Variants in MPP7 observed in about 807,000 individuals in gnomAD.
MPP7 encodes MAGUK p55 subfamily member 7.
In MPP7, 60 loss-of-function variants were observed where a neutral mutation model predicts 76.5. That is an observed-to-expected ratio of 0.78 (90% CI 0.64 to 0.97). The LOEUF (loss-of-function observed/expected upper bound fraction) is 0.97. Ranked by LOEUF, MPP7 falls within the 50% of genes least tolerant of loss-of-function variation. The probability of loss-of-function intolerance (pLI) is 0.00; values close to 1 mark genes in which losing one functional copy is unlikely to be tolerated. For synonymous variants in MPP7, 237 were observed against 244.5 expected (o/e 0.97, Z 0.29); for missense variants, 641 against 694.0 (o/e 0.92, Z 0.86).
intron 13 of MPP7, among the ~76,000 whole-genome samples, chr10:28,066,600 T>C (rs149018091): frequency 3.2e-4 from 49 of 152,274 alleles, no homozygotes; most frequent in South Asian, 1.0e-3. Flanking sequence ...TATATACACA[T>C]AAAAGTGTTT....
chr10:28,201,336 A>G (rs1345982505), intron 3 of MPP7, among the ~76,000 whole-genome samples: 3 of 152,210 alleles, frequency 2.0e-5, no homozygotes, highest in Non-Finnish European at 4.4e-5. Flanking sequence ...CATGACAGGC[A>G]GCCATAACAA....
At chr10:28,164,458 T>C (rs953257500) in intron 3 of MPP7, among the ~76,000 whole-genome samples, 16 of 152,048 alleles carry the variant, frequency 1.1e-4, no homozygotes, top group Admixed American at 2.6e-4. Flanking sequence ...AGTGGAGGGC[T>C]GCAACAGGGG....
At chr10:28,120,506 A>C in intron 9 of MPP7, 88 bp downstream of exon 9, 1 of 1,502,432 alleles carries the variant, frequency 6.7e-7, no homozygotes, top group Non-Finnish European at 9.2e-7. Context: ...TATTGAAAGA[A>C]ATGTGTTGTG....
At chr10:28,211,526 AT>A (rs1242640972) in intron 2 of MPP7, among the ~76,000 whole-genome samples, 2 of 152,206 alleles carry the variant, frequency 1.3e-5, no homozygotes, top group African/African-American at 4.8e-5. Context: ...TTATCTTTAT[AT>A]AAGATATATA....
chr10:28,125,232 C>A, intron 6 of MPP7, 141 bp from the exon 7 acceptor site: 1 of 669,554 alleles, frequency 1.5e-6, no homozygotes, highest in South Asian at 1.8e-5. Context: ...GAAAAATAGA[C>A]ATCATGCCAT....
intron 12 of MPP7, among the ~76,000 whole-genome samples, chr10:28,077,829 C>G (rs912893891): frequency 1.3e-5 from 2 of 152,210 alleles, no homozygotes; most frequent in African/African-American, 4.8e-5. Context: ...AGAATCTAAA[C>G]AGCCCATCTT....
intron 2 of MPP7, among the ~76,000 whole-genome samples, chr10:28,231,852 C>T (rs1210094096): frequency 2.0e-5 from 3 of 152,218 alleles, no homozygotes; most frequent in East Asian, 1.9e-4. Context: ...AGAGGAAAGG[C>T]TCCTCCCAAT....
chr10:28,196,781 A>G (rs1837597482), intron 3 of MPP7, among the ~76,000 whole-genome samples: 1 of 152,070 alleles, frequency 6.6e-6, no homozygotes, highest in Non-Finnish European at 1.5e-5. Flanking sequence ...TCCCTCTCTC[A>G]AACTAAAATC....
chr10:28,153,098 A>G (rs957899903), intron 3 of MPP7, among the ~76,000 whole-genome samples: 1 of 152,080 alleles, frequency 6.6e-6, no homozygotes, highest in African/African-American at 2.4e-5. Context: ...TACTAAAAAT[A>G]TGAAAATCAC....
intron 5 of MPP7, among the ~76,000 whole-genome samples, chr10:28,144,444 C>T (rs1588843575): frequency 6.6e-6 from 1 of 152,158 alleles, no homozygotes; most frequent in African/African-American, 2.4e-5. Context: ...AGCCGACTAT[C>T]CTGGGCAAAC....
intron 1 of MPP7, among the ~76,000 whole-genome samples, chr10:28,330,817 G>A (rs568845858): frequency 2.6e-5 from 4 of 152,004 alleles, no homozygotes; most frequent in Non-Finnish European, 5.9e-5. Context: ...ACTATGCCTG[G>A]TTAATTTTTT....
chr10:28,119,115 C>T (rs531853914), intron 11 of MPP7: 55 of 944,754 alleles, frequency 5.8e-5, no homozygotes, highest in African/African-American at 7.1e-5. Flanking sequence ...AGTAGTCATA[C>T]GGTAGCCATC....
intron 11 of MPP7, among the ~76,000 whole-genome samples, chr10:28,099,777 A>C (rs963646173): frequency 2.6e-5 from 4 of 152,158 alleles, no homozygotes; most frequent in African/African-American, 7.2e-5. Flanking sequence ...ATTGCACTCC[A>C]GCCTGGGCAA....
At chr10:28,067,119 C>T (rs1480492189) in intron 13 of MPP7, among the ~76,000 whole-genome samples, 3 of 152,126 alleles carry the variant, frequency 2.0e-5, no homozygotes. Flanking sequence ...GATACTGCTA[C>T]TTAGTTTTCC....
intron 1 of MPP7, among the ~76,000 whole-genome samples, chr10:28,251,163 T>C (rs1393874701): frequency 6.6e-6 from 1 of 152,130 alleles, no homozygotes; most frequent in Non-Finnish European, 1.5e-5. Context: ...AAGAACCATA[T>C]AAGAATACAT....
intron 3 of MPP7, among the ~76,000 whole-genome samples, chr10:28,157,944 AC>A (rs1195161891): frequency 1.3e-5 from 2 of 152,038 alleles, no homozygotes; most frequent in African/African-American, 4.8e-5. Flanking sequence ...ATCTGTTTAC[AC>A]CCCCATCGGT....
chr10:28,077,387 T>C (rs779096777), intron 12 of MPP7, among the ~76,000 whole-genome samples: 5 of 152,142 alleles, frequency 3.3e-5, no homozygotes, highest in African/African-American at 1.2e-4. Flanking sequence ...AATAGAGACA[T>C]AATTTCAATC....
chr10:28,262,792 A>C lies in MPP7; in HGVS notation c.-131-24057T>G, dbSNP rs145929208. Among the ~76,000 whole-genome samples, 1,227 of 152,234 alleles carry C rather than the reference A, an allele frequency of 8.1e-3. 17 individuals are homozygous for C. The highest frequency in any genetic ancestry group is 0.028 in the African/African-American group (1,156 of 41,556). On this transcript the variant is annotated intron_variant, in intron 1 of 16. Coordinates refer to ENST00000683449, the MANE Select transcript of MPP7 (RefSeq NM_001318170.2). ...CACATTTAGCCGGACGCAGTGGCTCACGCCTGTAATCCCAGCACTTTGGGA... is the reference window on the plus strand; with the variant it reads ...CACATTTAGCCGGACGCAGTGGCTCCCGCCTGTAATCCCAGCACTTTGGGA...
chr10:28,084,496 T>C (rs1852911879), intron 12 of MPP7, among the ~76,000 whole-genome samples: 1 of 152,174 alleles, frequency 6.6e-6, no homozygotes, highest in African/African-American at 2.4e-5. Flanking sequence ...CACCTCAGGC[T>C]ACCAGATTAG....
Sources: allele counts gnomAD v4.1 joint callset (sites outside exome capture counted in the v4.1 genomes callset), GRCh38; gene constraint gnomAD v4.1.1; transcripts MANE v1.5; gene names NCBI Gene and HGNC (gene_info 2026-07-23, HGNC 2026-07-21).